The following FAT3 variants were observed in gnomAD, a reference collection of about 807,000 sequenced individuals.
FAT3 encodes protocadherin Fat 3.
A neutral mutation model predicts 310.2 loss-of-function variants in FAT3; 95 were observed. That is an observed-to-expected ratio of 0.31 (90% CI 0.26 to 0.36). The LOEUF (loss-of-function observed/expected upper bound fraction) is 0.36, where lower values mean the gene tolerates loss of function less well. FAT3 is among the 10% of genes least tolerant of loss of function. FAT3 has a pLI of 1.00. For synonymous variants in FAT3, 2,314 were observed against 2,192.9 expected (o/e 1.06, Z -1.54); for missense variants, 5,408 against 5,715.6 (o/e 0.95, Z 1.74).
intron 3 of FAT3, among the ~76,000 whole-genome samples, chr11:92,554,516 G>A (rs903585375): frequency 3.7e-5 from 5 of 136,728 alleles, no homozygotes; most frequent in African/African-American, 1.1e-4. Context: ...GGAGTTGGCA[G>A]CATTAACTGT....
At chr11:92,497,875 C>A (rs971973615) in intron 2 of FAT3, among the ~76,000 whole-genome samples, 5 of 151,948 alleles carry the variant, frequency 3.3e-5, no homozygotes, top group Non-Finnish European at 1.5e-5. Context: ...CTGGGGGAGA[C>A]TTTTCTGCAA....
intron 2 of FAT3, among the ~76,000 whole-genome samples, chr11:92,473,531 A>T (rs77854859): frequency 0.039 from 5,887 of 152,308 alleles, 157 homozygotes; most frequent in Middle Eastern, 0.072. Flanking sequence ...CAAATGTAGT[A>T]AGTACATCCT....
chr11:92,857,270 A>G lies in FAT3; in HGVS notation c.11422A>G (p.Met3808Val). The change falls in exon 20 of 28, where the codon ATG becomes GTG. Residue 3808 changes from methionine (M) to valine (V), a missense_variant. This residue lies in a region of FAT3 where 4,588 missense variants were observed against 4,809.8 expected (regional missense o/e 0.95). Coordinates refer to ENST00000525166, the MANE Select transcript of FAT3 (RefSeq NM_001367949.2). ...PCVEKPCPGDMQCVSYEASRR... is the reference protein window; with the variant it reads ...PCVEKPCPGDVQCVSYEASRR... ...TGTGGAGAAGCCGTGTCCAGGGGACATGCAGTGTGTCAGTTATGAAGCCAG... is the reference window on the plus strand; with the variant it reads ...TGTGGAGAAGCCGTGTCCAGGGGACGTGCAGTGTGTCAGTTATGAAGCCAG... 1 of 1,614,014 alleles carries G rather than the reference A, an allele frequency of 6.2e-7. No homozygotes were observed. The highest frequency in any genetic ancestry group is 8.5e-7 in the Non-Finnish European group (1 of 1,179,890).
At chr11:92,328,318 T>C (rs1046548584) in intron 1 of FAT3, among the ~76,000 whole-genome samples, 1 of 152,202 alleles carries the variant, frequency 6.6e-6, no homozygotes, top group African/African-American at 2.4e-5. Flanking sequence ...ACTTCAGGGA[T>C]ATTTGCATTT....
intron 12 of FAT3, among the ~76,000 whole-genome samples, chr11:92,808,007 A>C (rs1591762381): frequency 6.6e-6 from 1 of 152,212 alleles, no homozygotes; most frequent in Non-Finnish European, 1.5e-5. Context: ...TCCCTGCCCC[A>C]GTCTTGTAAG....
intron 2 of FAT3, among the ~76,000 whole-genome samples, chr11:92,373,205 T>C (rs889596158): frequency 1.3e-5 from 2 of 152,208 alleles, no homozygotes; most frequent in Non-Finnish European, 2.9e-5. Context: ...TATCGTCTAG[T>C]ACTTACTGAG....
intron 2 of FAT3, among the ~76,000 whole-genome samples, chr11:92,444,194 A>G (rs1402720455): frequency 6.6e-6 from 1 of 151,946 alleles, no homozygotes. Flanking sequence ...TTCCTTTCTC[A>G]TCTGTTGTTT....
intron 4 of FAT3, among the ~76,000 whole-genome samples, chr11:92,748,005 T>C (rs1352248851): frequency 2.0e-5 from 3 of 152,244 alleles, no homozygotes; most frequent in Admixed American, 1.3e-4. Flanking sequence ...CCAAAGTCAC[T>C]TCCACATTTT....
At chr11:92,773,828 T>G (rs1946522955) in intron 6 of FAT3, among the ~76,000 whole-genome samples, 1 of 152,202 alleles carries the variant, frequency 6.6e-6, no homozygotes, top group Non-Finnish European at 1.5e-5. Flanking sequence ...TACATTCCTT[T>G]TTTGTGACAT....
chr11:92,682,759 A>AG (rs1943517437), intron 3 of FAT3, among the ~76,000 whole-genome samples: 2 of 152,128 alleles, frequency 1.3e-5, no homozygotes, highest in Admixed American at 1.3e-4. Flanking sequence ...GAGGAGGACA[A>AG]GGGAATGGGG....
chr11:92,827,757 T>G (rs1394528442), intron 13 of FAT3, among the ~76,000 whole-genome samples: 1 of 152,210 alleles, frequency 6.6e-6, no homozygotes. Context: ...ATGTGCTATT[T>G]TCTTTCTCCT....
At chr11:92,302,038 C>A (rs1021675090) in intron 1 of FAT3, among the ~76,000 whole-genome samples, 8 of 151,976 alleles carry the variant, frequency 5.3e-5, no homozygotes, top group African/African-American at 1.9e-4. Context: ...TACATGCATG[C>A]AGATACACAC....
chr11:92,284,974 C>A (rs1946521821), intron 1 of FAT3, among the ~76,000 whole-genome samples: 2 of 152,090 alleles, frequency 1.3e-5, no homozygotes, highest in Admixed American at 1.3e-4. Context: ...ATGCTCATAG[C>A]TCATGGGTGA....
intron 3 of FAT3, among the ~76,000 whole-genome samples, chr11:92,575,489 T>C (rs1204167043): frequency 6.6e-6 from 1 of 152,214 alleles, no homozygotes; most frequent in Non-Finnish European, 1.5e-5. Context: ...ATTATCTAAG[T>C]ACAAAGTATA....
At chr11:92,545,400 G>A (rs943595827) in intron 3 of FAT3, among the ~76,000 whole-genome samples, 10 of 152,072 alleles carry the variant, frequency 6.6e-5, no homozygotes, top group African/African-American at 2.4e-4. Context: ...CAGAGTTTTT[G>A]TCCTTTTGTT....
At chr11:92,488,051 A>G (rs879689084) in intron 2 of FAT3, among the ~76,000 whole-genome samples, 6 of 152,186 alleles carry the variant, frequency 3.9e-5, no homozygotes, top group Admixed American at 6.5e-5. Context: ...AATAGCTTAT[A>G]TAAGACTCTG....
At chr11:92,867,941 C>A (rs1292839587) in intron 22 of FAT3, among the ~76,000 whole-genome samples, 2 of 151,968 alleles carry the variant, frequency 1.3e-5, no homozygotes, top group East Asian at 1.9e-4. Context: ...TAGAGAGTTT[C>A]TTTTGTTTGA....
At chr11:92,476,561 G>A (rs549084784) in intron 2 of FAT3, among the ~76,000 whole-genome samples, 1 of 152,270 alleles carries the variant, frequency 6.6e-6, no homozygotes, top group East Asian at 1.9e-4. Flanking sequence ...AAAGCAGAGA[G>A]CAAATGAATA....
chr11:92,691,318 A>G (rs936943634), intron 3 of FAT3, among the ~76,000 whole-genome samples: 1 of 152,196 alleles, frequency 6.6e-6, no homozygotes, highest in African/African-American at 2.4e-5. Context: ...GACTTTGCCA[A>G]TGCTCCACAT....
Sources: gnomAD v4.1 joint callset for allele counts (sites outside exome capture counted in the v4.1 genomes callset) on GRCh38, gnomAD v4.1.1 for gene constraint, gnomAD v4.1.1 regional missense constraint, MANE v1.5 for transcripts, NCBI Gene and HGNC (gene_info 2026-07-23, HGNC 2026-07-21) for gene names.